GASK1A: variants seen among roughly 807,000 people sequenced by gnomAD.
GASK1A encodes Golgi-associated kinase 1A.
A neutral mutation model predicts 41.2 loss-of-function variants in GASK1A; 40 were observed. That is an observed-to-expected ratio of 0.97 (90% CI 0.75 to 1.27). The LOEUF (loss-of-function observed/expected upper bound fraction) is 1.27, where lower values mean the gene tolerates loss of function less well. GASK1A is among the 50% of genes most tolerant of loss of function. The pLI is 0.00. For missense variants in GASK1A, 678 were observed against 745.1 expected (o/e 0.91, Z 1.05); for synonymous variants, 316 against 307.1 (o/e 1.03, Z -0.30).
chr3:43,029,164 T>C (rs1251786355), intron 1 of GASK1A, among the ~76,000 whole-genome samples: 1 of 152,054 alleles, frequency 6.6e-6, no homozygotes, highest in East Asian at 1.9e-4. Context: ...CCATTGGCCC[T>C]GAGTCGCCTT....
At chr3:42,992,791 A>G (rs1033077566) in intron 1 of GASK1A, among the ~76,000 whole-genome samples, 5 of 152,254 alleles carry the variant, frequency 3.3e-5, no homozygotes, top group Non-Finnish European at 7.3e-5. Flanking sequence ...TGAGCAATGA[A>G]TGATTCGCAA....
At chr3:42,991,041 G>A (rs2089338119) in intron 1 of GASK1A, among the ~76,000 whole-genome samples, 1 of 152,176 alleles carries the variant, frequency 6.6e-6, no homozygotes, top group African/African-American at 2.4e-5. Flanking sequence ...ACCTGTCTAG[G>A]TGGAAGCAGT....
chr3:43,012,988 T>C (rs149977070), intron 1 of GASK1A, among the ~76,000 whole-genome samples: 33 of 143,334 alleles, frequency 2.3e-4, no homozygotes, highest in Middle Eastern at 4.5e-3. Context: ...AGTGTGAAGT[T>C]ACAGAAGGGG....
intron 1 of GASK1A, among the ~76,000 whole-genome samples, chr3:42,987,909 G>A (rs1366244789): frequency 1.4e-5 from 2 of 143,752 alleles, no homozygotes; most frequent in African/African-American, 2.5e-5. Context: ...TGAGGCAGGA[G>A]AGTCCTTTGA....
intron 1 of GASK1A, among the ~76,000 whole-genome samples, chr3:43,001,219 C>T (rs1167970584): frequency 1.3e-5 from 2 of 152,092 alleles, no homozygotes; most frequent in Admixed American, 6.5e-5. Context: ...GAAAGCCGAC[C>T]CCGGGTCATA....
Position 43,022,690 on chromosome 3 carries a change from CTT to C in GASK1A, c.4-9576_4-9575del, listed in dbSNP as rs372093521. 1.1e-4 allele frequency among the ~76,000 whole-genome samples: 17 copies of C among 152,252 alleles called. No individual in the cohort carries two copies. The East Asian group carries it at 2.9e-3, about 26-fold the overall frequency. ...TTGTGAGGATTAAAGGAGATAGTAA[CTT>C]ATATATGATGAAAGGGTAAGGGCAA... On this transcript the variant is annotated intron_variant, in intron 1 of 4. Transcript: ENST00000430121.
intron 1 of GASK1A, among the ~76,000 whole-genome samples, chr3:42,996,121 AGG>A (rs2089368027): frequency 2.7e-5 from 1 of 36,876 alleles, no homozygotes; most frequent in Non-Finnish European, 7.1e-5. Context: ...ACCAGCAAAC[AGG>A]GGGACATAAG....
chr3:43,028,715 T>G (rs2089559618), intron 1 of GASK1A, among the ~76,000 whole-genome samples: 1 of 152,180 alleles, frequency 6.6e-6, no homozygotes, highest in Admixed American at 6.5e-5. Context: ...CAGTCCAGGT[T>G]TGGGGAGCAC....
chr3:42,988,040 C>G (rs1441007563), intron 1 of GASK1A, among the ~76,000 whole-genome samples: 2 of 133,356 alleles, frequency 1.5e-5, no homozygotes, highest in Non-Finnish European at 3.2e-5. Flanking sequence ...AGAATTCCAA[C>G]AATAATTGTG....
At chr3:42,986,692 T>C (rs1252173873) in intron 1 of GASK1A, among the ~76,000 whole-genome samples, 2 of 152,144 alleles carry the variant, frequency 1.3e-5, no homozygotes, top group Non-Finnish European at 2.9e-5. Context: ...TTATTGTCCC[T>C]AGGGCAGAGG....
chr3:43,019,316 C>T (rs1259100865), intron 1 of GASK1A, among the ~76,000 whole-genome samples: 1 of 152,166 alleles, frequency 6.6e-6, no homozygotes, highest in African/African-American at 2.4e-5. Flanking sequence ...GCCTGTTATT[C>T]TGCCCACAGT....
intron 2 of GASK1A, among the ~76,000 whole-genome samples, chr3:43,040,204 G>A (rs951436915): frequency 5.3e-5 from 8 of 151,344 alleles, no homozygotes; most frequent in Non-Finnish European, 1.0e-4. Flanking sequence ...TTTTTTTTCA[G>A]ATGGCAACCC....
At chr3:43,056,145 C>T (rs1172852549) in intron 4 of GASK1A, 31 bp from the exon 5 acceptor site, 1 of 1,495,790 alleles carries the variant, frequency 6.7e-7, no homozygotes, top group Admixed American at 2.2e-5. Flanking sequence ...CTTTTTCTTT[C>T]TGTTACGGGG....
chr3:43,044,597 G>C (rs2089653009), intron 2 of GASK1A, among the ~76,000 whole-genome samples: 1 of 152,154 alleles, frequency 6.6e-6, no homozygotes, highest in East Asian at 1.9e-4. Flanking sequence ...GCATAGCCAG[G>C]ACATAGTGGA....
intron 1 of GASK1A, 117 bp from the exon 2 acceptor site, chr3:43,032,150 G>A (rs2089578683): frequency 1.2e-6 from 1 of 804,674 alleles, no homozygotes; most frequent in Non-Finnish European, 1.9e-6. Flanking sequence ...CTTGGGCTGT[G>A]CTCTTCTCTT....
At chr3:43,010,093 A>C (rs2089456014) in intron 1 of GASK1A, among the ~76,000 whole-genome samples, 1 of 152,128 alleles carries the variant, frequency 6.6e-6, no homozygotes, top group Non-Finnish European at 1.5e-5. Flanking sequence ...GGTGCTCTGG[A>C]TTCCCACACT....
chr3:43,006,900 A>G (rs561196781), intron 1 of GASK1A, among the ~76,000 whole-genome samples: 5 of 152,170 alleles, frequency 3.3e-5, no homozygotes, highest in African/African-American at 1.2e-4. Context: ...ACTTGAATTT[A>G]CCCACTGTCT....
intron 3 of GASK1A, among the ~76,000 whole-genome samples, chr3:43,054,642 CA>C (rs1455901679): frequency 6.6e-6 from 1 of 152,144 alleles, no homozygotes; most frequent in Non-Finnish European, 1.5e-5. Context: ...GGGAAATGCC[CA>C]TGGACTTTTG....
intron 2 of GASK1A, among the ~76,000 whole-genome samples, chr3:43,039,379 T>G (rs1249885685): frequency 6.6e-6 from 1 of 152,082 alleles, no homozygotes; most frequent in Non-Finnish European, 1.5e-5. Context: ...ATTTTTGTAT[T>G]TTTAGTAGAG....
Sources: gnomAD v4.1 joint callset for allele counts (sites outside exome capture counted in the v4.1 genomes callset) on GRCh38, gnomAD v4.1.1 for gene constraint, MANE v1.5 for transcripts, NCBI Gene and HGNC (gene_info 2026-07-23, HGNC 2026-07-21) for gene names.